ABCC12: variants seen among roughly 807,000 people sequenced by gnomAD.
ABCC12 encodes the protein ATP-binding cassette sub-family C member 12.
A neutral mutation model predicts 151.1 loss-of-function variants in ABCC12; 142 were observed. The observed-to-expected ratio is 0.94, with a 90% CI of 0.82 to 1.08. The LOEUF (loss-of-function observed/expected upper bound fraction) is 1.08. ABCC12 is among the 50% of genes least tolerant of loss of function. The probability of loss-of-function intolerance (pLI) is 0.00; values close to 1 mark genes in which losing one functional copy is unlikely to be tolerated. For missense variants in ABCC12, 1,638 were observed against 1,691.1 expected (o/e 0.97, Z 0.55); for synonymous variants, 645 against 646.4 (o/e 1.00, Z 0.03).
chr16:48,115,515 AG>A lies in ABCC12; in HGVS notation c.1888del (p.Leu630CysfsTer29). 5.6e-6 allele frequency: 9 copies of A among 1,610,552 alleles called. No individual in the cohort carries two copies. The highest frequency in any genetic ancestry group is 7.6e-6 in the Non-Finnish European group (9 of 1,176,620). On this transcript the variant is annotated frameshift_variant, in exon 15 of 31. Transcript: ENST00000311303. LOFTEE classifies it high-confidence loss of function. ...DRQLYLLDDP[L>X]SAVDAHVGKH... The stretch of plus-strand genomic sequence containing the variant: ...CCCCACGTGGGCGTCCACGGCCGAC[AG>A]GGGGTCGTCCAGCAGGTAGAGCTGA...
Position 48,088,554 on chromosome 16 carries a change from T to C in ABCC12, c.3466A>G (p.Thr1156Ala), listed in dbSNP as rs774994781. 26 of 1,613,572 alleles carry C rather than the reference T, an allele frequency of 1.6e-5. No individual in the cohort carries two copies. Among genetic ancestry groups the C allele is most frequent in the Non-Finnish European group, 6.8e-6 (8 of 1,179,820 alleles). ...SGQTVGIVGR[T>A]GSGKSSLGMA... ...CAGAGCTTGTCCTCACCGGAACCTGTTCTTCCAACAATCCCGACTGTCTGC... is the reference window on the plus strand; with the variant it reads ...CAGAGCTTGTCCTCACCGGAACCTGCTCTTCCAACAATCCCGACTGTCTGC... Residue 1156 changes from threonine to alanine, a missense_variant, in exon 26 of 31, where the codon ACA becomes GCA. Thr to Ala is a moderately conservative substitution (Grantham distance 58). Coordinates refer to ENST00000311303, the MANE Select transcript of ABCC12 (RefSeq NM_001393797.1).
chr16:48,105,731 G>A (rs540861304), intron 20 of ABCC12, among the ~76,000 whole-genome samples: 7 of 152,288 alleles, frequency 4.6e-5, no homozygotes, highest in East Asian at 3.9e-4. Context: ...CAGGCAACCC[G>A]GACTGGATAG....
chr16:48,126,264 C>T (rs1327677585), intron 11 of ABCC12, among the ~76,000 whole-genome samples: 2 of 152,218 alleles, frequency 1.3e-5, no homozygotes, highest in African/African-American at 4.8e-5. Flanking sequence ...GTCCTATCCA[C>T]TTCTTGGGGC....
At chr16:48,137,028 A>C (rs572181717) in intron 8 of ABCC12, among the ~76,000 whole-genome samples, 1 of 152,300 alleles carries the variant, frequency 6.6e-6, no homozygotes, top group Non-Finnish European at 1.5e-5. Flanking sequence ...CCAACAGGGG[A>C]GGAACAGGAT....
chr16:48,136,996 T>G (rs1964632488), intron 8 of ABCC12, among the ~76,000 whole-genome samples: 1 of 152,148 alleles, frequency 6.6e-6, no homozygotes, highest in African/African-American at 2.4e-5. Flanking sequence ...TAATCTTAAG[T>G]GTGATAAGAA....
chr16:48,105,237 T>G lies in ABCC12; in HGVS notation c.2575A>C (p.Met859Leu). 1 of 1,614,160 alleles carries G rather than the reference T, an allele frequency of 6.2e-7. No homozygotes were observed. Among genetic ancestry groups the G allele is most frequent in the Non-Finnish European group, 8.5e-7 (1 of 1,180,040 alleles). ...HVYQWVYTAS[M>L]VFMLVFGVTK... is the part of the protein sequence containing the mutation. ...ACGCCAAACACCAGCATGAACACCA[T>G]GCTTGCAGTGTACACCCACTGGTAC... Residue 859 changes from methionine (M) to leucine (L), a missense_variant, in exon 21 of 31, where the codon ATG (methionine) becomes CTG (leucine). Coordinates refer to ENST00000311303, the MANE Select transcript of ABCC12 (RefSeq NM_001393797.1).
chr16:48,092,724 G>A (rs1177753037), intron 24 of ABCC12, among the ~76,000 whole-genome samples: 1 of 152,146 alleles, frequency 6.6e-6, no homozygotes, highest in African/African-American at 2.4e-5. Flanking sequence ...AGGCCACTGC[G>A]GGAGTGACAA....
chr16:48,145,448 C>T (rs1189338896), intron 3 of ABCC12, among the ~76,000 whole-genome samples: 1 of 152,136 alleles, frequency 6.6e-6, no homozygotes, highest in Non-Finnish European at 1.5e-5. Context: ...CAAAAATGAC[C>T]CCGTTTTCTC....
At chr16:48,090,151 G>A (rs1426514082) in intron 25 of ABCC12, among the ~76,000 whole-genome samples, 2 of 152,082 alleles carry the variant, frequency 1.3e-5, no homozygotes, top group Non-Finnish European at 2.9e-5. Flanking sequence ...TTTGTAAGTT[G>A]GATATAAAAG....
chr16:48,131,838 A>G (rs1298299223), intron 9 of ABCC12, among the ~76,000 whole-genome samples: 1 of 152,196 alleles, frequency 6.6e-6, no homozygotes, highest in Non-Finnish European at 1.5e-5. Context: ...AGATGCTTCT[A>G]TCACATCTGG....
chr16:48,105,081 G>T, intron 21 of ABCC12, 58 bp downstream of exon 21: 3 of 1,598,100 alleles, frequency 1.9e-6, no homozygotes, highest in Non-Finnish European at 2.6e-6. Context: ...CACTGCAGGT[G>T]CTCCGTATAC....
At position 48,139,182 on chromosome 16, in the gene ABCC12, A is replaced by G. The variant is rs1032353324; in HGVS notation, c.812T>C (p.Val271Ala). 1.2e-6 allele frequency: 2 copies of G among 1,609,856 alleles called. No individual in the cohort carries two copies. Among genetic ancestry groups the G allele is most frequent in the African/African-American group, 2.7e-5 (2 of 74,496 alleles). ...PTALIGISVY[V>A]IFIPVQMFMA... ...CGTTACCTGGACGGGTATGAATATG[A>G]CATACACTGATATCCCGATGAGAGC... is the stretch of plus-strand genomic sequence containing the variant. The change falls in exon 7 of 31, where the codon GTC becomes GCC. Residue 271 changes from valine (V) to alanine (A), a missense_variant. Transcript: ENST00000311303.
chr16:48,140,972 G>T, intron 5 of ABCC12, 52 bp from the exon 6 acceptor site: 3 of 1,531,594 alleles, frequency 2.0e-6, no homozygotes, highest in South Asian at 1.1e-5. Context: ...GCTGAGGCTG[G>T]CATAGGAGGC....
At chr16:48,108,603 C>T in intron 18 of ABCC12, 74 bp from the exon 19 acceptor site, 2 of 1,122,706 alleles carry the variant, frequency 1.8e-6, no homozygotes, top group South Asian at 2.6e-5. Flanking sequence ...ACGGCCCCTC[C>T]ACAGACTCCA....
chr16:48,112,099 C>T, intron 15 of ABCC12, among the ~76,000 whole-genome samples, 189 bp from the exon 16 acceptor site: 1 of 152,088 alleles, frequency 6.6e-6, no homozygotes, highest in Non-Finnish European at 1.5e-5. Flanking sequence ...GTCGGTAGCA[C>T]CCCCTCCTGG....
chr16:48,115,694 T>G (rs1307072080), intron 14 of ABCC12, 76 bp from the exon 15 acceptor site: 2 of 1,429,514 alleles, frequency 1.4e-6, no homozygotes, highest in Non-Finnish European at 1.9e-6. Context: ...TTCCTGGAGC[T>G]TCTCAGGACT....
At chr16:48,091,298 G>C in intron 24 of ABCC12, 89 bp from the exon 25 acceptor site, 2 of 1,164,542 alleles carry the variant, frequency 1.7e-6, no homozygotes, top group Non-Finnish European at 2.6e-6. Context: ...CCTAGTGAAT[G>C]ATCCCTCCCC....
chr16:48,132,055 G>A (rs548738284), intron 9 of ABCC12, among the ~76,000 whole-genome samples: 6 of 152,310 alleles, frequency 3.9e-5, no homozygotes, highest in Admixed American at 1.3e-4. Flanking sequence ...TGCAAATTTG[G>A]TTTTGGTCTA....
Position 48,152,539 on chromosome 16 carries a change from G to T in ABCC12, c.-51+1077C>A, listed in dbSNP as rs374857810. Among the ~76,000 whole-genome samples the T allele has an allele frequency of 4.7e-3, 709 of 152,312 alleles. 45 individuals are homozygous for T. The South Asian group carries it at 0.14, about 31-fold the overall frequency. Reference sequence around the variant, plus strand: ...GAGCAAAGCAGAGGTAGGAAAGCAGGTTAGCTGATGAAGAAGAAAGAGCTC... The same window carrying T: ...GAGCAAAGCAGAGGTAGGAAAGCAGTTTAGCTGATGAAGAAGAAAGAGCTC... On this transcript the variant is annotated intron_variant, in intron 2 of 30. Transcript: ENST00000311303.
Sources: gnomAD v4.1 joint callset for allele counts (sites outside exome capture counted in the v4.1 genomes callset) on GRCh38, gnomAD v4.1.1 for gene constraint, MANE v1.5 for transcripts, NCBI Gene and HGNC (gene_info 2026-07-23, HGNC 2026-07-21) for gene names.